The following PSMD1 variants were observed in gnomAD, a reference collection of about 807,000 sequenced individuals.
PSMD1 encodes the protein 26S proteasome non-ATPase regulatory subunit 1.
A neutral mutation model predicts 119.0 loss-of-function variants in PSMD1; 18 were observed. That is an observed-to-expected ratio of 0.15 (90% CI 0.10 to 0.22). The LOEUF is 0.22. Ranked by LOEUF, PSMD1 falls within the 10% of genes least tolerant of loss-of-function variation. PSMD1 has a pLI of 1.00. For missense variants in PSMD1, 702 were observed against 1,158.5 expected (o/e 0.61, Z 5.72); for synonymous variants, 374 against 396.6 (o/e 0.94, Z 0.68).
intron 14 of PSMD1, 39 bp from the exon 15 acceptor site, chr2:231,084,980 G>T: frequency 6.5e-7 from 1 of 1,529,162 alleles, no homozygotes; most frequent in South Asian, 1.1e-5. Context: ...TTAACTGTTT[G>T]AAATAAGTTG....
At chr2:231,142,892 A>T (rs1470684381) in intron 17 of PSMD1, among the ~76,000 whole-genome samples, 1 of 152,192 alleles carries the variant, frequency 6.6e-6, no homozygotes, top group African/African-American at 2.4e-5. Context: ...ATCTGTTAAT[A>T]GCTCTAATTT....
intron 3 of PSMD1, 91 bp from the exon 4 acceptor site, chr2:231,062,415 G>C: frequency 6.5e-7 from 1 of 1,538,862 alleles, no homozygotes; most frequent in Non-Finnish European, 8.9e-7. Flanking sequence ...GAAATTTGCT[G>C]TTAACTGAAT....
At chr2:231,109,322 A>C (rs1192010090) in intron 16 of PSMD1, 1 of 1,614,120 alleles carries the variant, frequency 6.2e-7, no homozygotes, top group Non-Finnish European at 8.5e-7. Context: ...GAAATCGCCA[A>C]AACGTTCCTT....
chr2:231,111,187 CTT>C (rs1695145822), intron 16 of PSMD1, among the ~76,000 whole-genome samples: 1 of 152,278 alleles, frequency 6.6e-6, no homozygotes, highest in South Asian at 2.1e-4. Flanking sequence ...TTCTTGAACT[CTT>C]TGACTCTAAT....
rs949099146 is a variant in PSMD1, at chr2:231,106,020, T to G, written c.1883+18839T>G. Reference sequence around the variant, plus strand: ...TGGCAGTAACATGGAATAAAAAGGTTTTTTTTTTTTTTTCAAAATTATTCT... The same window carrying G: ...TGGCAGTAACATGGAATAAAAAGGTGTTTTTTTTTTTTTCAAAATTATTCT... On this transcript the variant is annotated intron_variant, in intron 16 of 24. Transcript: ENST00000308696. Among the ~76,000 whole-genome samples, 6 of 48,432 alleles carry G rather than the reference T, an allele frequency of 1.2e-4. No homozygotes were observed. The African/African-American group carries it at 1.5e-3, about 12-fold the overall frequency. The allele number at this position is 48,432 out of a possible 152,430, so 31.8% of individuals were successfully genotyped here. A position where few individuals can be genotyped will look rare whatever the true frequency, so the allele number is the denominator to read the frequency against.
intron 1 of PSMD1, among the ~76,000 whole-genome samples, chr2:231,060,531 A>G (rs965667545): frequency 2.6e-5 from 4 of 152,294 alleles, no homozygotes; most frequent in African/African-American, 4.8e-5. Context: ...ACCTTTGACT[A>G]TATTTCAAGG....
intron 16 of PSMD1, among the ~76,000 whole-genome samples, chr2:231,114,136 T>C (rs969925690): frequency 1.3e-5 from 2 of 152,226 alleles, no homozygotes; most frequent in African/African-American, 4.8e-5. Context: ...CATTTTCTAT[T>C]TTGCATAATA....
chr2:231,149,542 C>T (rs1041232573), intron 18 of PSMD1, among the ~76,000 whole-genome samples: 2 of 152,186 alleles, frequency 1.3e-5, no homozygotes, highest in African/African-American at 4.8e-5. Flanking sequence ...TATAAACTCA[C>T]ATCAAAATAT....
At chr2:231,158,750 T>C (rs1337111208) in intron 19 of PSMD1, among the ~76,000 whole-genome samples, 1 of 152,206 alleles carries the variant, frequency 6.6e-6, no homozygotes, top group African/African-American at 2.4e-5. Context: ...TTATTTTAAT[T>C]ATCAAATTAT....
intron 16 of PSMD1, chr2:231,108,662 C>T (rs781269061): frequency 4.2e-5 from 68 of 1,613,952 alleles, no homozygotes; most frequent in Middle Eastern, 3.3e-4. Context: ...AATCCCATTT[C>T]GAATTCCATG....
At position 231,079,621 on chromosome 2, in the gene PSMD1, T is replaced by TGACCA; in HGVS notation, c.1239+7_1239+8insGACCA. Reference sequence around the variant, plus strand: ...TTTGGGTGTAATTCATAAGGTAATATATATTGGTCAGTGTATACAGGCATC... The same window carrying TGACCA: ...TTTGGGTGTAATTCATAAGGTAATATGACCAATATTGGTCAGTGTATACAGGCATC... On this transcript the variant is annotated splice_region_variant and intron_variant, in intron 11 of 24. Transcript: ENST00000308696. The TGACCA allele has an allele frequency of 6.3e-7, 1 of 1,583,896 alleles. No individual in the cohort carries two copies. Among genetic ancestry groups the TGACCA allele is most frequent in the South Asian group, 1.1e-5 (1 of 87,784 alleles).
At chr2:231,100,734 C>T (rs1306653856) in intron 16 of PSMD1, among the ~76,000 whole-genome samples, 1 of 152,134 alleles carries the variant, frequency 6.6e-6, no homozygotes, top group East Asian at 1.9e-4. Flanking sequence ...CCTGCAAAAC[C>T]AAGGCTCCGC....
intron 16 of PSMD1, among the ~76,000 whole-genome samples, chr2:231,137,463 C>T (rs546779591): frequency 2.6e-5 from 4 of 152,062 alleles, no homozygotes; most frequent in East Asian, 3.9e-4. Context: ...AAATGTTTGG[C>T]GATGGTGAAA....
intron 16 of PSMD1, among the ~76,000 whole-genome samples, chr2:231,092,197 A>T: frequency 6.6e-6 from 1 of 152,198 alleles, no homozygotes; most frequent in South Asian, 2.1e-4. Flanking sequence ...GCAAGAGCAG[A>T]GGAACCTTGC....
intron 16 of PSMD1, among the ~76,000 whole-genome samples, chr2:231,091,481 CT>C (rs1440311774): frequency 6.6e-6 from 1 of 152,158 alleles, no homozygotes; most frequent in Non-Finnish European, 1.5e-5. Flanking sequence ...TCCTTTTCTG[CT>C]TTTTACATCA....
At chr2:231,142,147 T>C (rs867974971) in intron 17 of PSMD1, among the ~76,000 whole-genome samples, 24 of 152,346 alleles carry the variant, frequency 1.6e-4, no homozygotes, top group Admixed American at 3.3e-4. Flanking sequence ...CTTCCCAAAG[T>C]GCTGGGATTA....
intron 16 of PSMD1, among the ~76,000 whole-genome samples, chr2:231,097,191 T>G (rs868138080): frequency 1.3e-5 from 2 of 152,208 alleles, no homozygotes; most frequent in South Asian, 4.1e-4. Flanking sequence ...AGTGCTGTTT[T>G]TATGAGCCTC....
intron 18 of PSMD1, among the ~76,000 whole-genome samples, chr2:231,153,023 T>G (rs1014383637): frequency 6.6e-6 from 1 of 152,222 alleles, no homozygotes; most frequent in African/African-American, 2.4e-5. Flanking sequence ...GATACTCTCC[T>G]TTTGGTACGA....
intron 16 of PSMD1, among the ~76,000 whole-genome samples, chr2:231,128,909 T>G (rs930581798): frequency 2.0e-5 from 3 of 152,228 alleles, no homozygotes; most frequent in African/African-American, 7.2e-5. Flanking sequence ...GCCAGGTTAT[T>G]GCCAGAACAA....
Sources: allele counts gnomAD v4.1 joint callset (sites outside exome capture counted in the v4.1 genomes callset), GRCh38; gene constraint gnomAD v4.1.1; transcripts MANE v1.5; gene names NCBI Gene and HGNC (gene_info 2026-07-23, HGNC 2026-07-21).